Variants in DUS2 observed in about 807,000 individuals in gnomAD.
DUS2 encodes the protein dihydrouridine synthase 2.
DUS2 carries 52 observed loss-of-function variants against 71.3 expected under a neutral mutation model. The ratio of observed to expected loss-of-function variants is 0.73; its 90% CI spans 0.58 to 0.92. The LOEUF is 0.92. DUS2 is among the 40% of genes least tolerant of loss of function. DUS2 has a pLI of 0.00. For missense variants in DUS2, 558 were observed against 622.6 expected (o/e 0.90, Z 1.10); for synonymous variants, 204 against 227.8 (o/e 0.90, Z 0.94).
chr16:68,041,631 G>T (rs2033626154), intron 3 of DUS2, among the ~76,000 whole-genome samples: 1 of 151,952 alleles, frequency 6.6e-6, no homozygotes, highest in Admixed American at 6.6e-5. Context: ...TGGCCAGCAT[G>T]GTGAAGCTCT....
intron 3 of DUS2, among the ~76,000 whole-genome samples, 155 bp from the exon 4 acceptor site, chr16:68,049,350 G>T (rs1424070456): frequency 4.6e-5 from 7 of 152,112 alleles, no homozygotes; most frequent in Non-Finnish European, 1.0e-4. Flanking sequence ...CCATGCTTGG[G>T]TGGGGAGAAT....
At chr16:68,073,475 G>A (rs1421368455) in intron 12 of DUS2, among the ~76,000 whole-genome samples, 3 of 146,572 alleles carry the variant, frequency 2.0e-5, no homozygotes, top group African/African-American at 7.6e-5. Flanking sequence ...TTGAGACAGA[G>A]TTTTGCTGTT....
chr16:68,056,485 C>A, intron 7 of DUS2, 61 bp downstream of exon 7: 3 of 1,376,562 alleles, frequency 2.2e-6, no homozygotes, highest in Non-Finnish European at 3.1e-6. Flanking sequence ...GCTGACAAGA[C>A]ATAACTAAGT....
At chr16:68,025,702 TC>T (rs994189551) in intron 2 of DUS2, among the ~76,000 whole-genome samples, 2 of 152,022 alleles carry the variant, frequency 1.3e-5, no homozygotes, top group African/African-American at 4.8e-5. Context: ...CTACCTTTTT[TC>T]CCCCTCACTC....
At position 68,061,086 on chromosome 16, in the gene DUS2, G is replaced by A. The variant is rs1168517076; in HGVS notation, c.390G>A (p.Leu130=). ...YSTKGGMGAA[L]LSDPDKIEKI... ...CTTAGGGAGGAATGGGAGCTGCCCTGCTGTCAGACCCTGACAAGATTGAGA... is the reference window on the plus strand; with the variant it reads ...CTTAGGGAGGAATGGGAGCTGCCCTACTGTCAGACCCTGACAAGATTGAGA... Residue 130 remains leucine (L), a synonymous_variant, in exon 8 of 17, where the codon CTG becomes CTA. Coordinates refer to ENST00000565263, the MANE Select transcript of DUS2 (RefSeq NM_017803.5). 5.0e-6 allele frequency: 8 copies of A among 1,613,932 alleles called. No individual in the cohort carries two copies. Among genetic ancestry groups the A allele is most frequent in the Non-Finnish European group, 6.8e-6 (8 of 1,179,992 alleles).
At chr16:68,068,305 A>AACC (rs2034037399) in intron 10 of DUS2, among the ~76,000 whole-genome samples, 1 of 152,314 alleles carries the variant, frequency 6.6e-6, no homozygotes, top group Admixed American at 6.5e-5. Context: ...AGCAAAGCAG[A>AACC]GTTGCTTGGG....
At chr16:68,048,055 T>C (rs1045460799) in intron 3 of DUS2, among the ~76,000 whole-genome samples, 2 of 152,118 alleles carry the variant, frequency 1.3e-5, no homozygotes, top group African/African-American at 4.8e-5. Flanking sequence ...AGTGTAGGGA[T>C]TACAGACATA....
At chr16:68,044,759 C>A (rs915215790) in intron 3 of DUS2, among the ~76,000 whole-genome samples, 16 of 151,890 alleles carry the variant, frequency 1.1e-4, no homozygotes, top group Non-Finnish European at 2.1e-4. Flanking sequence ...TCTCATACCT[C>A]TTTTTTTGAA....
At position 68,023,353 on chromosome 16, in the gene DUS2, T is replaced by C; in HGVS notation, c.-99+2T>C. ...TCTTTTTAAGAGTTCAGCTGCGAGGTCTGTAGCTCCGAATAGGGGATGGCG... is the reference window on the plus strand; with the variant it reads ...TCTTTTTAAGAGTTCAGCTGCGAGGCCTGTAGCTCCGAATAGGGGATGGCG... On this transcript the variant is annotated splice_donor_variant, in intron 1 of 16. Transcript: ENST00000565263. LOFTEE classifies it low-confidence loss of function (5UTR_SPLICE). 1.0e-6 allele frequency: 1 copy of C among 957,402 alleles called. No individual in the cohort carries two copies. The highest frequency in any genetic ancestry group is 1.5e-6 in the Non-Finnish European group (1 of 655,106). The allele number at this position is 957,402 out of a possible 1,614,324, so 59.3% of individuals were successfully genotyped here. A position where few individuals can be genotyped will look rare whatever the true frequency, so the allele number is the denominator to read the frequency against.
intron 10 of DUS2, among the ~76,000 whole-genome samples, chr16:68,068,695 TCTC>T (rs1219713215): frequency 6.7e-6 from 1 of 149,772 alleles, no homozygotes; most frequent in Non-Finnish European, 1.5e-5. Flanking sequence ...TTCAAGCAAT[TCTC>T]CTGCCTCAGC....
intron 13 of DUS2, 33 bp downstream of exon 13, chr16:68,074,188 T>A: frequency 6.2e-7 from 1 of 1,612,802 alleles, no homozygotes. Context: ...CATCTGTCCT[T>A]GTACGCATTG....
intron 2 of DUS2, among the ~76,000 whole-genome samples, chr16:68,025,927 AG>A (rs2033342293): frequency 6.6e-6 from 1 of 152,190 alleles, no homozygotes; most frequent in African/African-American, 2.4e-5. Context: ...CGCATGTGCC[AG>A]GCATTGGTAG....
At chr16:68,028,596 G>C (rs766067432) in intron 2 of DUS2, among the ~76,000 whole-genome samples, 7 of 152,114 alleles carry the variant, frequency 4.6e-5, no homozygotes, top group Non-Finnish European at 7.4e-5. Flanking sequence ...CTGAGATCAC[G>C]CCACTGCACT....
chr16:68,038,013 CAG>C lies in DUS2; in HGVS notation c.-8_-7del, dbSNP rs773589426. On this transcript the variant is annotated 5_prime_UTR_variant, in exon 3 of 17. Coordinates refer to ENST00000565263, the MANE Select transcript of DUS2 (RefSeq NM_017803.5). ...TTCCTCTTTTTTTTTCAGGCTGTAA[CAG>C]AGGAGGAAATGATTTTGAATAGCCT... is the stretch of plus-strand genomic sequence containing the variant. The C allele has an allele frequency of 3.1e-6, 5 of 1,610,886 alleles. No individual in the cohort carries two copies. Among genetic ancestry groups the C allele is most frequent in the South Asian group, 1.1e-5 (1 of 90,504 alleles).
rs929909135 is a variant in DUS2, at chr16:68,057,065, A to G, written c.369+641A>G. ...ATATATATTTATATATATATGTAATATATATGTTATAAATATATAATATAT... is the reference window on the plus strand; with the variant it reads ...ATATATATTTATATATATATGTAATGTATATGTTATAAATATATAATATAT... On this transcript the variant is annotated intron_variant, in intron 7 of 16. Coordinates refer to ENST00000565263, the MANE Select transcript of DUS2 (RefSeq NM_017803.5). 2.2e-5 allele frequency among the ~76,000 whole-genome samples: 3 copies of G among 135,868 alleles called. No homozygotes were observed. In the Admixed American group the frequency reaches 2.4e-4, roughly 11 times the overall value. 89.1% of individuals were successfully genotyped at this position (135,868 alleles called of 152,430 possible).
At chr16:68,063,507 A>G (rs1272931958) in intron 8 of DUS2, among the ~76,000 whole-genome samples, 1 of 152,176 alleles carries the variant, frequency 6.6e-6, no homozygotes, top group East Asian at 1.9e-4. Context: ...ATGCCACTGA[A>G]TTATACACTT....
intron 3 of DUS2, among the ~76,000 whole-genome samples, chr16:68,040,280 G>A (rs1374473662): frequency 6.6e-6 from 1 of 151,910 alleles, no homozygotes; most frequent in Non-Finnish European, 1.5e-5. Context: ...ATGGGGTTTT[G>A]CCATGTTGGC....
In DUS2 at chr16:68,078,730, T is replaced by A. The variant is rs778780897; in HGVS notation, c.1245-19T>A. 3 of 1,595,262 alleles carry A rather than the reference T, an allele frequency of 1.9e-6. No homozygotes were observed. Among genetic ancestry groups the A allele is most frequent in the Admixed American group, 3.4e-5 (2 of 59,052 alleles). Reference sequence around the variant, plus strand: ...GCCCTGCACCCTGCCCCTCACCTTATTGCCCTCTGTCTGCTCAGGGACAAG... The same window carrying A: ...GCCCTGCACCCTGCCCCTCACCTTAATGCCCTCTGTCTGCTCAGGGACAAG... On this transcript the variant is annotated intron_variant, in intron 16 of 16. Transcript: ENST00000565263.
chr16:68,055,376 C>T (rs1355299627), intron 6 of DUS2, among the ~76,000 whole-genome samples: 1 of 151,984 alleles, frequency 6.6e-6, no homozygotes, highest in Admixed American at 6.6e-5. Context: ...ATCACTTGGG[C>T]CCAGGAGGTC....
Sources: gnomAD v4.1 joint callset for allele counts (sites outside exome capture counted in the v4.1 genomes callset) on GRCh38, gnomAD v4.1.1 for gene constraint, MANE v1.5 for transcripts, NCBI Gene and HGNC (gene_info 2026-07-23, HGNC 2026-07-21) for gene names.